GAREM1: variants seen among roughly 807,000 people sequenced by gnomAD.
The protein encoded by GAREM1 is GRB2 associated regulator of MAPK1 subtype 1.
A neutral mutation model predicts 71.3 loss-of-function variants in GAREM1; 26 were observed. The observed-to-expected ratio is 0.36, with a 90% CI of 0.27 to 0.51. The LOEUF (loss-of-function observed/expected upper bound fraction) is 0.51, where lower values mean the gene tolerates loss of function less well. Ranked by LOEUF, GAREM1 falls within the 20% of genes least tolerant of loss-of-function variation. The pLI, the probability that GAREM1 is intolerant of heterozygous loss-of-function variation, is 0.95. For missense variants in GAREM1, 1,026 were observed against 1,103.1 expected (o/e 0.93, Z 0.99); for synonymous variants, 440 against 433.2 (o/e 1.02, Z -0.20).
At chr18:32,282,136 G>A (rs1345592788) in intron 4 of GAREM1, among the ~76,000 whole-genome samples, 2 of 151,954 alleles carry the variant, frequency 1.3e-5, no homozygotes, top group Non-Finnish European at 2.9e-5. Context: ...GACTCAGCCC[G>A]CCTGCACCCA....
At chr18:32,442,973 T>C (rs767884293) in intron 1 of GAREM1, among the ~76,000 whole-genome samples, 1 of 152,190 alleles carries the variant, frequency 6.6e-6, no homozygotes, top group Non-Finnish European at 1.5e-5. Flanking sequence ...TGTCAGTAAG[T>C]GGATTCCACC....
intron 4 of GAREM1, among the ~76,000 whole-genome samples, chr18:32,285,317 C>A (rs779940720): frequency 1.3e-5 from 2 of 152,178 alleles, no homozygotes; most frequent in Non-Finnish European, 2.9e-5. Context: ...AGCTCTGCAG[C>A]AATGAGGGCT....
chr18:32,469,336 G>C (rs546498788), intron 1 of GAREM1, among the ~76,000 whole-genome samples: 1 of 152,270 alleles, frequency 6.6e-6, no homozygotes, highest in Admixed American at 6.5e-5. Flanking sequence ...AGCTCTGCCT[G>C]CCTGCCAGCC....
At chr18:32,283,463 C>T (rs1432309750) in intron 4 of GAREM1, among the ~76,000 whole-genome samples, 1 of 152,140 alleles carries the variant, frequency 6.6e-6, no homozygotes. Context: ...ATGAGAATCA[C>T]TTGAACCCGG....
At chr18:32,341,204 C>A (rs2047644223) in intron 2 of GAREM1, among the ~76,000 whole-genome samples, 1 of 152,158 alleles carries the variant, frequency 6.6e-6, no homozygotes, top group African/African-American at 2.4e-5. Context: ...GTTCAATTCC[C>A]ACCTGTGAGT....
chr18:32,268,324 G>A lies in GAREM1; in HGVS notation c.2178C>T (p.Pro726=). The stretch of plus-strand genomic sequence containing the variant: ...CTTCCACTAGTTTTGGAGCCCTGGG[G>A]GGTAAGGCAGGGCATGACGTACTCT... ...TKQSTSCPAL[P]PRAPKLVEEK... The change falls in exon 6 of 6, where the codon CCC becomes CCT. Residue 726 remains proline, a synonymous_variant. Coordinates refer to ENST00000269209, the MANE Select transcript of GAREM1 (RefSeq NM_001242409.2). 1 of 1,614,098 alleles carries A rather than the reference G, an allele frequency of 6.2e-7. No individual in the cohort carries two copies. Among genetic ancestry groups the A allele is most frequent in the Non-Finnish European group, 8.5e-7 (1 of 1,180,000 alleles).
intron 2 of GAREM1, among the ~76,000 whole-genome samples, chr18:32,381,952 A>G (rs540511615): frequency 2.0e-5 from 3 of 152,188 alleles, no homozygotes; most frequent in Non-Finnish European, 2.9e-5. Context: ...CCTACTCAAC[A>G]ATTCCATGGC....
chr18:32,440,367 T>C lies in GAREM1; in HGVS notation c.121+29941A>G, dbSNP rs528831222. On this transcript the variant is annotated intron_variant, in intron 1 of 5. Transcript: ENST00000269209. The stretch of plus-strand genomic sequence containing the variant: ...TAGCTTCAGATCCCAAGGCTGTTGA[T>C]ATGTCCTAGTTCAAATTCTCAAGAG... 8.0e-4 allele frequency among the ~76,000 whole-genome samples: 122 copies of C among 152,284 alleles called. No individual in the cohort carries two copies. In the South Asian group the frequency reaches 0.012, roughly 15 times the overall value.
intron 2 of GAREM1, among the ~76,000 whole-genome samples, chr18:32,340,501 A>G (rs2047637387): frequency 7.2e-5 from 11 of 152,220 alleles, no homozygotes. Flanking sequence ...AAAGCAGCAC[A>G]TGATGAAGCT....
In GAREM1 at chr18:32,265,792, G is replaced by A. The variant is rs1436621075; in HGVS notation, c.*2079C>T. On this transcript the variant is annotated 3_prime_UTR_variant, in exon 6 of 6. Coordinates refer to ENST00000269209, the MANE Select transcript of GAREM1 (RefSeq NM_001242409.2). ...AACCCTGTTCCTTCTTCCTGAGTTT[G>A]AGAATTGTGTCCGAGTGCTAAGTAT... The A allele has an allele frequency of 6.6e-6, 1 of 152,202 alleles. No individual in the cohort carries two copies. The highest frequency in any genetic ancestry group is 2.4e-5 in the African/African-American group (1 of 41,446). 9.4% of individuals were successfully genotyped at this position (152,202 alleles called of 1,614,324 possible).
At chr18:32,278,572 T>A (rs79749323) in intron 4 of GAREM1, among the ~76,000 whole-genome samples, 2,690 of 152,330 alleles carry the variant, frequency 0.018, 87 homozygotes, top group African/African-American at 0.06. Flanking sequence ...AGGAGTTTTG[T>A]AACCATGCTT....
chr18:32,402,194 A>C (rs2048321646), intron 1 of GAREM1, among the ~76,000 whole-genome samples: 1 of 152,186 alleles, frequency 6.6e-6, no homozygotes, highest in Admixed American at 6.5e-5. Context: ...TAACTCAACA[A>C]TGTAGTAATG....
intron 3 of GAREM1, among the ~76,000 whole-genome samples, chr18:32,309,615 C>CAAAAAAAAAAAAAAA (rs11370938): frequency 7.2e-5 from 1 of 13,864 alleles, no homozygotes; most frequent in Non-Finnish European, 1.3e-4. Flanking sequence ...GACTCAGTCT[C>CAAAAAAAAAAAAAAA]AAAAAAAAAA....
intron 2 of GAREM1, among the ~76,000 whole-genome samples, chr18:32,389,535 T>C (rs973433991): frequency 1.3e-5 from 2 of 152,188 alleles, no homozygotes; most frequent in African/African-American, 4.8e-5. Context: ...TCAAACTTGG[T>C]TGTTTGATTA....
chr18:32,290,687 T>C (rs1248071779), intron 3 of GAREM1, among the ~76,000 whole-genome samples: 1 of 128,048 alleles, frequency 7.8e-6, no homozygotes, highest in Non-Finnish European at 1.7e-5. Flanking sequence ...ACATGAAAAA[T>C]CAATTAACTA....
chr18:32,364,028 G>T (rs12326084), intron 2 of GAREM1, among the ~76,000 whole-genome samples: 2,681 of 21,238 alleles, frequency 0.13, 184 homozygotes, highest in African/African-American at 0.24. Context: ...ATATATATAT[G>T]TTTTTTTTTT....
In GAREM1 at chr18:32,309,613, C is replaced by T. The variant is rs1302144268; in HGVS notation, c.393+580G>A. On this transcript the variant is annotated intron_variant, in intron 3 of 5. Coordinates refer to ENST00000269209, the MANE Select transcript of GAREM1 (RefSeq NM_001242409.2). ...CCTGGGTGACAGAGCAAGACTCAGT[C>T]TCAAAAAAAAAAAAAAAAAAAAAAA... Among the ~76,000 whole-genome samples the T allele has an allele frequency of 1.6e-4, 7 of 42,524 alleles. No individual in the cohort carries two copies. In the East Asian group the frequency reaches 2.9e-3, roughly 18 times the overall value. The allele number at this position is 42,524 out of a possible 152,430, so 27.9% of individuals were successfully genotyped here. A position where few individuals can be genotyped will look rare whatever the true frequency, so the allele number is the denominator to read the frequency against.
At chr18:32,278,281 C>A (rs897532386) in intron 4 of GAREM1, among the ~76,000 whole-genome samples, 10 of 152,080 alleles carry the variant, frequency 6.6e-5, no homozygotes, top group African/African-American at 2.2e-4. Context: ...CCATGTATTT[C>A]CTGAGTTAAC....
chr18:32,268,036 G>A lies in GAREM1; in HGVS notation c.2466C>T (p.Phe822=). 6.2e-7 allele frequency: 1 copy of A among 1,614,098 alleles called. No individual in the cohort carries two copies. The highest frequency in any genetic ancestry group is 1.1e-5 in the South Asian group (1 of 91,070). Residue 822 remains phenylalanine, a synonymous_variant, in exon 6 of 6, where the codon TTC becomes TTT. Coordinates refer to ENST00000269209, the MANE Select transcript of GAREM1 (RefSeq NM_001242409.2). ...ATATGACATCTTCGGACAAACCAATGAACCGTAGTGACTTGGACACTTCCT... is the reference window on the plus strand; with the variant it reads ...ATATGACATCTTCGGACAAACCAATAAACCGTAGTGACTTGGACACTTCCT... ...SIEEVSKSLR[F]IGLSEDVISF...
Sources: allele counts gnomAD v4.1 joint callset (sites outside exome capture counted in the v4.1 genomes callset), GRCh38; gene constraint gnomAD v4.1.1; transcripts MANE v1.5; gene names NCBI Gene and HGNC (gene_info 2026-07-23, HGNC 2026-07-21).